Variants in TAFA2 observed in about 807,000 individuals in gnomAD.
The protein encoded by TAFA2 is chemokine-like protein TAFA-2.
Under a neutral mutation model 18.8 loss-of-function variants are expected in TAFA2, and 7 were observed. The ratio of observed to expected loss-of-function variants is 0.37; its 90% CI spans 0.21 to 0.70. The LOEUF (loss-of-function observed/expected upper bound fraction) is 0.70. Ranked by LOEUF, TAFA2 falls within the 30% of genes least tolerant of loss-of-function variation. The pLI is 0.53. For synonymous variants in TAFA2, 60 were observed against 54.2 expected (o/e 1.11, Z -0.47); for missense variants, 122 against 158.1 (o/e 0.77, Z 1.23).
In TAFA2 at chr12:61,812,098, T is replaced by G. The variant is rs1056721176; in HGVS notation, c.106+55222A>C. Among the ~76,000 whole-genome samples the G allele has an allele frequency of 8.6e-5, 13 of 151,354 alleles. 1 individual carries two copies. Among genetic ancestry groups the G allele is most frequent in the African/African-American group, 3.2e-4 (13 of 40,688 alleles). On this transcript the variant is annotated intron_variant, in intron 2 of 4. Coordinates refer to ENST00000416284, the MANE Select transcript of TAFA2 (RefSeq NM_178539.5). ...TCATGGGGCCAAAACTATGTGACAC[T>G]TAGCAGCATGATGCAACCTGGCCTG...
At chr12:61,788,617 TG>T (rs1215022509) in intron 2 of TAFA2, among the ~76,000 whole-genome samples, 1 of 151,554 alleles carries the variant, frequency 6.6e-6, no homozygotes, top group East Asian at 1.9e-4. Flanking sequence ...AATAAAGAAC[TG>T]GGTTTTTAAA....
At chr12:61,909,274 C>A (rs990775100) in intron 1 of TAFA2, among the ~76,000 whole-genome samples, 1 of 152,124 alleles carries the variant, frequency 6.6e-6, no homozygotes, top group Non-Finnish European at 1.5e-5. Context: ...TTTGGAGCAT[C>A]CTAATATTGC....
rs899084036 is a variant in TAFA2, at chr12:61,903,683, T to G, written c.-1-36257A>C. On this transcript the variant is annotated intron_variant, in intron 1 of 4. Transcript: ENST00000416284. ...ATTTTCATGTCAAATTTTAAAATAT[T>G]GGATAAATTGCTTGATTTGCGTGCT... is the stretch of plus-strand genomic sequence containing the variant. Among the ~76,000 whole-genome samples, 4 of 152,182 alleles carry G rather than the reference T, an allele frequency of 2.6e-5. 1 individual carries two copies. Among genetic ancestry groups the G allele is most frequent in the Admixed American group, 2.0e-4 (3 of 15,274 alleles).
At chr12:62,155,580 C>T (rs1176073366) in intron 1 of TAFA2, among the ~76,000 whole-genome samples, 1 of 152,138 alleles carries the variant, frequency 6.6e-6, no homozygotes, top group African/African-American at 2.4e-5. Flanking sequence ...CAGCATGGTA[C>T]TGGTATAAAA....
At chr12:62,081,035 GACACAAAAA>G (rs1868314775) in intron 1 of TAFA2, among the ~76,000 whole-genome samples, 1 of 152,026 alleles carries the variant, frequency 6.6e-6, no homozygotes. Context: ...TCTACGAAAA[GACACAAAAA>G]ATTAGCCGGG....
chr12:61,768,937 G>A (rs1013704297), intron 2 of TAFA2, among the ~76,000 whole-genome samples: 12 of 152,022 alleles, frequency 7.9e-5, no homozygotes, highest in Non-Finnish European at 1.8e-4. Context: ...AGGGAGGCTT[G>A]TATCCTGGGG....
chr12:62,085,224 A>G (rs1868403530), intron 1 of TAFA2, among the ~76,000 whole-genome samples: 1 of 152,216 alleles, frequency 6.6e-6, no homozygotes, highest in Non-Finnish European at 1.5e-5. Flanking sequence ...GACATCTGAC[A>G]TAAAACCTAA....
At chr12:62,108,562 ACT>A (rs1440366951) in intron 1 of TAFA2, among the ~76,000 whole-genome samples, 4 of 152,210 alleles carry the variant, frequency 2.6e-5, no homozygotes, top group African/African-American at 9.7e-5. Flanking sequence ...GAATCGCCAC[ACT>A]GTCTTCCACA....
chr12:61,745,895 C>G (rs753504579), intron 4 of TAFA2, among the ~76,000 whole-genome samples: 1 of 152,090 alleles, frequency 6.6e-6, no homozygotes, highest in Non-Finnish European at 1.5e-5. Flanking sequence ...AGAAAGGGAA[C>G]AGATGGGGGA....
At chr12:62,253,152 C>T (rs76360407) in intron 1 of TAFA2, 1 of 152,164 alleles carries the variant, frequency 6.6e-6, no homozygotes, top group Non-Finnish European at 1.5e-5. Flanking sequence ...ATGATGACTA[C>T]CCTTCTTGTG....
intron 2 of TAFA2, among the ~76,000 whole-genome samples, chr12:61,836,570 A>T (rs1202083053): frequency 6.6e-6 from 1 of 151,636 alleles, no homozygotes; most frequent in Non-Finnish European, 1.5e-5. Context: ...TGCTAATCTC[A>T]ATTACACTGA....
intron 1 of TAFA2, among the ~76,000 whole-genome samples, chr12:62,120,585 G>A (rs528108214): frequency 1.2e-4 from 18 of 152,164 alleles, no homozygotes; most frequent in African/African-American, 2.9e-4. Flanking sequence ...CTCTTCCTTC[G>A]TGTGGTATGT....
chr12:62,092,492 C>T (rs944147975), intron 1 of TAFA2, among the ~76,000 whole-genome samples: 1 of 151,876 alleles, frequency 6.6e-6, no homozygotes, highest in Non-Finnish European at 1.5e-5. Flanking sequence ...CAGTTCTTAG[C>T]CTTCATATTC....
chr12:61,799,685 GGT>G (rs1871328659), intron 2 of TAFA2, among the ~76,000 whole-genome samples: 1 of 152,100 alleles, frequency 6.6e-6, no homozygotes, highest in African/African-American at 2.4e-5. Context: ...AGCCGGGCGT[GGT>G]GGCTGGCGCC....
chr12:62,104,047 T>C (rs974487286), intron 1 of TAFA2, among the ~76,000 whole-genome samples: 2 of 152,224 alleles, frequency 1.3e-5, no homozygotes, highest in Non-Finnish European at 2.9e-5. Context: ...ACCTTTGAGT[T>C]GGCAATGCCA....
chr12:61,751,687 T>C (rs544064187), intron 4 of TAFA2, among the ~76,000 whole-genome samples: 1 of 152,192 alleles, frequency 6.6e-6, no homozygotes, highest in Non-Finnish European at 1.5e-5. Context: ...TAATGTCTTA[T>C]AACTAAAACA....
At chr12:62,054,367 G>T (rs1565729482) in intron 1 of TAFA2, among the ~76,000 whole-genome samples, 1 of 152,040 alleles carries the variant, frequency 6.6e-6, no homozygotes, top group Non-Finnish European at 1.5e-5. Flanking sequence ...CCATTGTATT[G>T]CCAACAAAGA....
chr12:62,234,420 A>G (rs1036857390), intron 1 of TAFA2: 1 of 731,742 alleles, frequency 1.4e-6, no homozygotes, highest in Non-Finnish European at 2.5e-6. Flanking sequence ...CCTGCTGTCC[A>G]TTGTTGGCCC....
intron 1 of TAFA2, among the ~76,000 whole-genome samples, chr12:62,212,014 T>C (rs552749813): frequency 6.6e-6 from 1 of 152,232 alleles, no homozygotes; most frequent in African/African-American, 2.4e-5. Flanking sequence ...CAGTAGTAAC[T>C]TTATTATTAG....
Sources: allele counts gnomAD v4.1 joint callset (sites outside exome capture counted in the v4.1 genomes callset), GRCh38; gene constraint gnomAD v4.1.1; transcripts MANE v1.5; gene names NCBI Gene and HGNC (gene_info 2026-07-23, HGNC 2026-07-21).